PPP1R37: variants seen among roughly 807,000 people sequenced by gnomAD.
PPP1R37 encodes protein phosphatase 1 regulatory subunit 37, also known as leucine rich repeat containing 68.
PPP1R37 carries 21 observed loss-of-function variants against 61.0 expected under a neutral mutation model. That is an observed-to-expected ratio of 0.34 (90% CI 0.24 to 0.50). PPP1R37 has a LOEUF of 0.50. PPP1R37 is among the 20% of genes least tolerant of loss of function. PPP1R37 has a pLI of 0.98. For synonymous variants in PPP1R37, 443 were observed against 433.5 expected (o/e 1.02, Z -0.27); for missense variants, 910 against 952.7 (o/e 0.96, Z 0.59).
chr19:45,146,406 G>T lies in PPP1R37; in HGVS notation c.2010G>T (p.Lys670Asn). 1 of 1,535,844 alleles carries T rather than the reference G, an allele frequency of 6.5e-7. No individual in the cohort carries two copies. Among genetic ancestry groups the T allele is most frequent in the South Asian group, 1.2e-5 (1 of 84,028 alleles). Residue 670 changes from lysine to asparagine, a missense_variant, in exon 12 of 13, where the codon AAG (lysine) becomes AAT (asparagine). This residue lies in a region of PPP1R37 where 549 missense variants were observed against 505.1 expected (regional missense o/e 1.09). Coordinates refer to ENST00000221462, the MANE Select transcript of PPP1R37 (RefSeq NM_019121.2). ...CCCACACAGAACTGAGCTGCTCCAAGAACGAGAAGGAGCTCGAGGAGCTGC... is the reference window on the plus strand; with the variant it reads ...CCCACACAGAACTGAGCTGCTCCAATAACGAGAAGGAGCTCGAGGAGCTGC... ...CGLEHELSCS[K>N]NEKELEELLL...
intron 1 of PPP1R37, among the ~76,000 whole-genome samples, chr19:45,113,211 G>C (rs1260078884): frequency 6.6e-6 from 1 of 152,242 alleles, no homozygotes; most frequent in Non-Finnish European, 1.5e-5. Context: ...AGGGCAGGAA[G>C]ATGTGCATTA....
intron 1 of PPP1R37, among the ~76,000 whole-genome samples, chr19:45,122,784 T>G (rs1033399174): frequency 6.6e-6 from 1 of 151,996 alleles, no homozygotes; most frequent in Non-Finnish European, 1.5e-5. Context: ...TCAATGACTG[T>G]AGCAGCCCCT....
chr19:45,121,725 C>T lies in PPP1R37; in HGVS notation c.203-16789C>T, dbSNP rs993806341. Among the ~76,000 whole-genome samples, 6 of 152,170 alleles carry T rather than the reference C, an allele frequency of 3.9e-5. No homozygotes were observed. Among genetic ancestry groups the T allele is most frequent in the Admixed American group, 1.3e-4 (2 of 15,286 alleles). On this transcript the variant is annotated intron_variant, in intron 1 of 12. Transcript: ENST00000221462. The surrounding 1 kb of genome is among the most constrained non-coding windows in gnomAD (Gnocchi z 4.2). ...CCGCGGTGGGGTGCTGGGGCCTCCA[C>T]GGGCGTCATTCTGTGGTTGCTCCAG...
chr19:45,140,527 C>A lies in PPP1R37; in HGVS notation c.368C>A (p.Thr123Asn). Residue 123 changes from threonine (T) to asparagine (N), a missense_variant, in exon 4 of 13, where the codon ACC becomes AAC. Physicochemically the swap from Thr to Asn is moderately conservative, Grantham distance 65. Around this residue, in one of 3 missense-constraint regions of PPP1R37, gnomAD observed 280 missense variants for 382.2 expected, o/e 0.73. Coordinates refer to ENST00000221462, the MANE Select transcript of PPP1R37 (RefSeq NM_019121.2). Reference protein sequence around the residue: ...DLKGEKLDYKTCEALEEVFKR... With the variant: ...DLKGEKLDYKNCEALEEVFKR... Reference sequence around the variant, plus strand: ...CCAGGTGAGAAGCTTGACTACAAGACCTGTGAGGCCCTGGAAGAGGTCTTC... The same window carrying A: ...CCAGGTGAGAAGCTTGACTACAAGAACTGTGAGGCCCTGGAAGAGGTCTTC... 1 of 1,535,980 alleles carries A rather than the reference C, an allele frequency of 6.5e-7. No individual in the cohort carries two copies. Among genetic ancestry groups the A allele is most frequent in the East Asian group, 2.4e-5 (1 of 40,908 alleles).
At chr19:45,094,653 G>A (rs759265916) in intron 1 of PPP1R37, among the ~76,000 whole-genome samples, 9 of 152,056 alleles carry the variant, frequency 5.9e-5, no homozygotes, top group Non-Finnish European at 1.2e-4. Flanking sequence ...GTTTGAACCC[G>A]GGAGGTGGAG....
chr19:45,135,160 A>G (rs1968523269), intron 1 of PPP1R37, among the ~76,000 whole-genome samples: 1 of 152,174 alleles, frequency 6.6e-6, no homozygotes. Flanking sequence ...AGGCAGGAGA[A>G]TCGCTTGAAC....
rs114117046 is a variant in PPP1R37 at position 45,130,277 on chromosome 19, G to A, written c.203-8237G>A. The stretch of plus-strand genomic sequence containing the variant: ...GAGTACTACAGGGGACCCCACTCCT[G>A]CAGAATACAATCCTCCCATGAGCCT... On this transcript the variant is annotated intron_variant, in intron 1 of 12. Transcript: ENST00000221462. This position sits in a 1 kb window ranked among gnomAD's most constrained non-coding sequence, Gnocchi z 4.4. 0.01 allele frequency among the ~76,000 whole-genome samples: 1,572 copies of A among 152,250 alleles called. 25 individuals carry two copies. Among genetic ancestry groups the A allele is most frequent in the African/African-American group, 0.036 (1,495 of 41,528 alleles).
chr19:45,112,804 C>G (rs186527929), intron 1 of PPP1R37, among the ~76,000 whole-genome samples: 57 of 152,230 alleles, frequency 3.7e-4, no homozygotes, highest in African/African-American at 1.3e-3. Flanking sequence ...ATGACCCTGC[C>G]CGGGGCACAG....
chr19:45,117,909 GTCC>G (rs779993762), intron 1 of PPP1R37, among the ~76,000 whole-genome samples: 1 of 152,222 alleles, frequency 6.6e-6, no homozygotes, highest in Non-Finnish European at 1.5e-5. Context: ...TGGGGAAGGT[GTCC>G]TCCTCAGCCT....
intron 3 of PPP1R37, 110 bp downstream of exon 3, chr19:45,140,391 C>T (rs1011778437): frequency 6.2e-5 from 79 of 1,269,340 alleles, no homozygotes; most frequent in Non-Finnish European, 8.5e-5. Flanking sequence ...GAGCTGAGCT[C>T]AGCCAGGGCA....
In PPP1R37 at chr19:45,145,812, T is replaced by TCCCCCC; in HGVS notation, c.1761_1762insCCCCCC (p.Pro587_Thr588insProPro). The TCCCCCC allele has an allele frequency of 1.6e-6, 2 of 1,227,570 alleles. No homozygotes were observed. The highest frequency in any genetic ancestry group is 1.1e-6 in the Non-Finnish European group (1 of 922,058). 76.0% of individuals were successfully genotyped at this position (1,227,570 alleles called of 1,614,324 possible). ...GCCCGAGAGGGCAGAGCCCCCTGCGTCCCCCACCCCTCCCTCTCCCCCACC... is the reference window on the plus strand; with the variant it reads ...GCCCGAGAGGGCAGAGCCCCCTGCGTCCCCCCCCCCCACCCCTCCCTCTCCCCCACC... On this transcript the variant is annotated inframe_insertion, in exon 11 of 13. Transcript: ENST00000221462.
At chr19:45,126,917 G>A (rs1968412282) in intron 1 of PPP1R37, among the ~76,000 whole-genome samples, 1 of 152,248 alleles carries the variant, frequency 6.6e-6, no homozygotes, top group Non-Finnish European at 1.5e-5. Flanking sequence ...CTGCTCAGGG[G>A]CTGGTGATGT....
chr19:45,118,323 G>A lies in PPP1R37; in HGVS notation c.203-20191G>A, dbSNP rs546344787. On this transcript the variant is annotated intron_variant, in intron 1 of 12. Coordinates refer to ENST00000221462, the MANE Select transcript of PPP1R37 (RefSeq NM_019121.2). Reference sequence around the variant, plus strand: ...CCTGTGTCACAGGGCATCTGAGGATGTTGTTCCTGGAAGGCAAGTGTGTGG... The same window carrying A: ...CCTGTGTCACAGGGCATCTGAGGATATTGTTCCTGGAAGGCAAGTGTGTGG... Among the ~76,000 whole-genome samples, 306 of 152,318 alleles carry A rather than the reference G, an allele frequency of 2.0e-3. 1 individual carries two copies. The highest frequency in any genetic ancestry group is 7.1e-3 in the African/African-American group (295 of 41,572).
intron 1 of PPP1R37, among the ~76,000 whole-genome samples, chr19:45,112,727 C>T (rs1388116851): frequency 2.0e-5 from 3 of 152,166 alleles, no homozygotes; most frequent in South Asian, 2.1e-4. Context: ...TCTGCCTTCC[C>T]GACTGGACCA....
chr19:45,106,364 C>T (rs1238168664), intron 1 of PPP1R37, among the ~76,000 whole-genome samples: 1 of 152,160 alleles, frequency 6.6e-6, no homozygotes, highest in Non-Finnish European at 1.5e-5. Flanking sequence ...GCCTCAGCCT[C>T]CCAAGTAGCT....
chr19:45,146,699 C>T lies in PPP1R37; in HGVS notation c.*137C>T. 2 of 523,360 alleles carry T rather than the reference C, an allele frequency of 3.8e-6. No individual in the cohort carries two copies. The highest frequency in any genetic ancestry group is 7.0e-6 in the Non-Finnish European group (2 of 287,490). The allele number at this position is 523,360 out of a possible 1,614,324, so 32.4% of individuals were successfully genotyped here. ...CCATTCTGGGGCCCCCCTCCCCCCA[C>T]AGCAACACTACAAGGGGTGCAGGAG... is the stretch of plus-strand genomic sequence containing the variant. On this transcript the variant is annotated 3_prime_UTR_variant, in exon 13 of 13. Transcript: ENST00000221462.
chr19:45,146,059 G>C lies in PPP1R37; in HGVS notation c.1993+10G>C, dbSNP rs746270995. The C allele has an allele frequency of 1.8e-5, 27 of 1,517,908 alleles. No individual in the cohort carries two copies. In the African/African-American group the frequency reaches 3.0e-4, roughly 17 times the overall value. 94.0% of individuals were successfully genotyped at this position (1,517,908 alleles called of 1,614,324 possible). A position where few individuals can be genotyped will look rare whatever the true frequency, so the allele number is the denominator to read the frequency against. On this transcript the variant is annotated intron_variant, in intron 11 of 12. Transcript: ENST00000221462. ...TGCGGCCTGGAGCACGGTGAGAGGG[G>C]CCCTAGGGCAGGTGTTGAGGGGCCC... is the stretch of plus-strand genomic sequence containing the variant.
Position 45,146,690 on chromosome 19 carries a change from C to T in PPP1R37, c.*128C>T. 1.9e-6 allele frequency: 1 copy of T among 530,664 alleles called. No homozygotes were observed. Among genetic ancestry groups the T allele is most frequent in the East Asian group, 3.2e-5 (1 of 30,874 alleles). The allele number at this position is 530,664 out of a possible 1,614,324, so 32.9% of individuals were successfully genotyped here. On this transcript the variant is annotated 3_prime_UTR_variant, in exon 13 of 13. Transcript: ENST00000221462. ...GGGTGGGGGCCATTCTGGGGCCCCC[C>T]TCCCCCCACAGCAACACTACAAGGG... is the stretch of plus-strand genomic sequence containing the variant.
Position 45,145,675 on chromosome 19 carries a change from C to G in PPP1R37, c.1619C>G (p.Pro540Arg). Residue 540 changes from proline to arginine, a missense_variant, in exon 11 of 13, where the codon CCT (proline) becomes CGT (arginine). Physicochemically the swap from Pro to Arg is moderately radical, Grantham distance 103. This residue lies in a region of PPP1R37 where 549 missense variants were observed against 505.1 expected (regional missense o/e 1.09). Coordinates refer to ENST00000221462, the MANE Select transcript of PPP1R37 (RefSeq NM_019121.2). ...ALVPPTDSLG[P>R]GDRSPPGSPS... The stretch of plus-strand genomic sequence containing the variant: ...GTGCCCCCCACGGACTCCCTGGGCC[C>G]TGGGGACAGGAGTCCCCCAGGCAGC... 3 of 1,535,176 alleles carry G rather than the reference C, an allele frequency of 2.0e-6. No individual in the cohort carries two copies. The highest frequency in any genetic ancestry group is 1.2e-5 in the South Asian group (1 of 83,976).
Sources: allele counts gnomAD v4.1 joint callset (sites outside exome capture counted in the v4.1 genomes callset), GRCh38; gene constraint gnomAD v4.1.1; regional missense constraint gnomAD v4.1.1; non-coding constraint Gnocchi (gnomAD v3.1); transcripts MANE v1.5; gene names NCBI Gene and HGNC (gene_info 2026-07-23, HGNC 2026-07-21).